Variants in RABEP1 observed in about 807,000 individuals in gnomAD.
RABEP1 encodes the protein rab GTPase-binding effector protein 1.
Under a neutral mutation model 123.4 loss-of-function variants are expected in RABEP1, and 51 were observed. The ratio of observed to expected loss-of-function variants is 0.41; its 90% CI spans 0.33 to 0.52. The LOEUF is 0.52. RABEP1 is among the 20% of genes least tolerant of loss of function. RABEP1 has a pLI of 0.16. For synonymous variants in RABEP1, 347 were observed against 355.2 expected (o/e 0.98, Z 0.26); for missense variants, 888 against 996.3 (o/e 0.89, Z 1.46).
rs985705653 is a variant in RABEP1, at chr17:5,282,301, G to T, written c.-186G>T. 4.8e-6 allele frequency: 2 copies of T among 412,872 alleles called. No individual in the cohort carries two copies. Among genetic ancestry groups the T allele is most frequent in the Non-Finnish European group, 8.4e-6 (2 of 237,688 alleles). The allele number at this position is 412,872 out of a possible 1,614,324, so 25.6% of individuals were successfully genotyped here. A position where few individuals can be genotyped will look rare whatever the true frequency, so the allele number is the denominator to read the frequency against. On this transcript the variant is annotated 5_prime_UTR_variant, in exon 1 of 18. Transcript: ENST00000537505. ...TTCCCGCTGTCAGGATGAGGAGGCG[G>T]AGGTCGGCGGTCGGGTCCGTCTCTG...
chr17:5,359,267 G>T (rs1376127256), intron 8 of RABEP1, among the ~76,000 whole-genome samples: 1 of 151,904 alleles, frequency 6.6e-6, no homozygotes, highest in Non-Finnish European at 1.5e-5. Context: ...ATAGAGACGG[G>T]GTTTCACCAT....
At chr17:5,303,858 C>T (rs2075156862) in intron 1 of RABEP1, among the ~76,000 whole-genome samples, 2 of 151,838 alleles carry the variant, frequency 1.3e-5, no homozygotes, top group African/African-American at 4.8e-5. Flanking sequence ...CATGGTGAAA[C>T]CCCATCTCTA....
chr17:5,317,645 A>ATATATATG (rs2075311642), intron 2 of RABEP1, among the ~76,000 whole-genome samples: 1 of 147,754 alleles, frequency 6.8e-6, no homozygotes, highest in African/African-American at 2.5e-5. Flanking sequence ...ATATATATAT[A>ATATATATG]TATGTAGTTT....
intron 15 of RABEP1, chr17:5,378,491 T>C (rs1911183563): frequency 1.8e-6 from 1 of 550,510 alleles, no homozygotes; most frequent in Non-Finnish European, 3.3e-6. Flanking sequence ...AGTGAGAAGA[T>C]AGGCAAGGCA....
In RABEP1 at chr17:5,361,251, C is replaced by G; in HGVS notation, c.1139C>G (p.Ala380Gly). The change falls in exon 9 of 18, where the codon GCA becomes GGA. Residue 380 changes from alanine to glycine, a missense_variant. By Grantham distance (60) the Ala-to-Gly change is moderately conservative. Coordinates refer to ENST00000537505, the MANE Select transcript of RABEP1 (RefSeq NM_004703.6). Reference protein sequence around the residue: ...STRGSVHSLDAGLLLPSGDPF... With the variant: ...STRGSVHSLDGGLLLPSGDPF... ...CGTGGCTCAGTTCATTCCTTAGATG[C>G]AGGCTTGCTGTTGCCATCTGGAGAT... The G allele has an allele frequency of 6.2e-7, 1 of 1,614,162 alleles. No homozygotes were observed. Among genetic ancestry groups the G allele is most frequent in the Non-Finnish European group, 8.5e-7 (1 of 1,180,030 alleles).
At chr17:5,283,230 A>G (rs958892167) in intron 1 of RABEP1, among the ~76,000 whole-genome samples, 6 of 152,110 alleles carry the variant, frequency 3.9e-5, no homozygotes, top group African/African-American at 1.2e-4. Context: ...TTATGGAGGT[A>G]TTAGGAATAA....
chr17:5,297,765 A>AG (rs1283270075), intron 1 of RABEP1, among the ~76,000 whole-genome samples: 2 of 152,214 alleles, frequency 1.3e-5, no homozygotes, highest in Non-Finnish European at 2.9e-5. Context: ...GATGGAGAGA[A>AG]GGAACCAGCT....
chr17:5,329,552 C>A (rs1906318817), intron 2 of RABEP1, among the ~76,000 whole-genome samples: 1 of 152,022 alleles, frequency 6.6e-6, no homozygotes, highest in Admixed American at 6.6e-5. Context: ...ATAAGCATGG[C>A]AAATCTTAAT....
At chr17:5,367,460 G>C (rs181633627) in intron 11 of RABEP1, among the ~76,000 whole-genome samples, 15 of 151,632 alleles carry the variant, frequency 9.9e-5, no homozygotes, top group African/African-American at 3.4e-4. Flanking sequence ...TAGTAGAGAC[G>C]GGGTTTCACC....
At chr17:5,331,880 A>C (rs1906578966) in intron 2 of RABEP1, 69 bp from the exon 3 acceptor site, 1 of 1,393,112 alleles carries the variant, frequency 7.2e-7, no homozygotes. Flanking sequence ...TTAATACCTT[A>C]TTTCTTTATT....
intron 13 of RABEP1, among the ~76,000 whole-genome samples, chr17:5,373,838 C>A (rs1236244721): frequency 6.6e-6 from 1 of 152,108 alleles, no homozygotes; most frequent in Non-Finnish European, 1.5e-5. Context: ...TTTCCCTATT[C>A]TGGACTTTCC....
rs956437242 is a variant in RABEP1, at chr17:5,383,814, C to T, written c.*591C>T. On this transcript the variant is annotated 3_prime_UTR_variant, in exon 18 of 18. Coordinates refer to ENST00000537505, the MANE Select transcript of RABEP1 (RefSeq NM_004703.6). ...ATGCTACTGAAACTTACCTGAGAAC[C>T]ATAGGACTGTGGCAAACAAAACCAA... 2 of 224,534 alleles carry T rather than the reference C, an allele frequency of 8.9e-6. No homozygotes were observed. Among genetic ancestry groups the T allele is most frequent in the Admixed American group, 1.1e-4 (2 of 17,504 alleles). 13.9% of individuals were successfully genotyped at this position (224,534 alleles called of 1,614,324 possible).
chr17:5,346,978 T>C (rs1031042644), intron 6 of RABEP1, 53 bp downstream of exon 6: 9 of 1,394,952 alleles, frequency 6.5e-6, no homozygotes, highest in South Asian at 3.1e-5. Context: ...ATAAGTTAAA[T>C]TGATGTTGAC....
At chr17:5,348,256 G>A (rs984697986) in intron 6 of RABEP1, among the ~76,000 whole-genome samples, 18 of 152,224 alleles carry the variant, frequency 1.2e-4, no homozygotes, top group African/African-American at 4.3e-4. Flanking sequence ...TGGGATTACA[G>A]GCGTGAGCCA....
intron 1 of RABEP1, among the ~76,000 whole-genome samples, chr17:5,299,773 A>T (rs1251228681): frequency 2.5e-5 from 3 of 119,498 alleles, no homozygotes; most frequent in African/African-American, 9.9e-5. Context: ...CCTTGTCGCC[A>T]GGCTGGAGTG....
intron 5 of RABEP1, among the ~76,000 whole-genome samples, chr17:5,340,134 A>G (rs1026427536): frequency 2.0e-5 from 3 of 152,248 alleles, no homozygotes; most frequent in Non-Finnish European, 4.4e-5. Context: ...AGCTATAGAC[A>G]TTTTGAACTA....
chr17:5,282,375 TG>T lies in RABEP1; in HGVS notation c.-109del. ...GGATCCAGCCTTAGCGGTTTCTCTCTGGGCGGCGGCGGCGGCGGCTCGGTTG... is the reference window on the plus strand; with the variant it reads ...GGATCCAGCCTTAGCGGTTTCTCTCTGGCGGCGGCGGCGGCGGCTCGGTTG... On this transcript the variant is annotated 5_prime_UTR_variant, in exon 1 of 18. The change abolishes the stop of an existing upstream ORF in the 5' untranslated region. Coordinates refer to ENST00000537505, the MANE Select transcript of RABEP1 (RefSeq NM_004703.6). 1.1e-6 allele frequency: 1 copy of T among 898,162 alleles called. No homozygotes were observed. The highest frequency in any genetic ancestry group is 1.5e-6 in the Non-Finnish European group (1 of 664,284). 55.6% of individuals were successfully genotyped at this position (898,162 alleles called of 1,614,324 possible). A position where few individuals can be genotyped will look rare whatever the true frequency, so the allele number is the denominator to read the frequency against.
intron 9 of RABEP1, chr17:5,361,937 G>A: frequency 2.5e-6 from 1 of 407,898 alleles, no homozygotes; most frequent in Non-Finnish European, 4.4e-6. Flanking sequence ...TCAGGTTGGA[G>A]CAATCTGCCT....
chr17:5,366,546 A>C (rs542522497), intron 11 of RABEP1, among the ~76,000 whole-genome samples: 2 of 152,026 alleles, frequency 1.3e-5, no homozygotes, highest in African/African-American at 4.8e-5. Flanking sequence ...CCCGGGTTCA[A>C]GCAGTTTTCC....
Sources: gnomAD v4.1 joint callset for allele counts (sites outside exome capture counted in the v4.1 genomes callset) on GRCh38, gnomAD v4.1.1 for gene constraint, MANE v1.5 for transcripts, NCBI Gene and HGNC (gene_info 2026-07-23, HGNC 2026-07-21) for gene names.